The following ANKRD55 variants were observed in gnomAD, a reference collection of about 807,000 sequenced individuals.
ANKRD55 encodes the protein ankyrin repeat domain 55.
ANKRD55 carries 41 observed loss-of-function variants against 60.6 expected under a neutral mutation model. The observed-to-expected ratio is 0.68, with a 90% CI of 0.53 to 0.88. The LOEUF is 0.88. ANKRD55 is among the 40% of genes least tolerant of loss of function. The pLI, the probability that ANKRD55 is intolerant of heterozygous loss-of-function variation, is 0.00. For synonymous variants in ANKRD55, 264 were observed against 290.3 expected, an observed-to-expected ratio of 0.91 and a Z score of 0.92; for missense variants, 732 against 767.6, an observed-to-expected ratio of 0.95 and a Z score of 0.55.
intron 2 of ANKRD55, among the ~76,000 whole-genome samples, chr5:56,226,142 C>A (rs972331755): frequency 1.3e-5 from 2 of 152,064 alleles, no homozygotes; most frequent in East Asian, 3.8e-4. Context: ...AGATATAGAC[C>A]AATAGAACAG....
At chr5:56,225,598 C>G (rs1385577778) in intron 2 of ANKRD55, among the ~76,000 whole-genome samples, 2 of 152,110 alleles carry the variant, frequency 1.3e-5, no homozygotes, top group Non-Finnish European at 2.9e-5. Context: ...TCGTCTCAGC[C>G]CCAAATCTCC....
At chr5:56,227,155 G>T (rs562273061) in intron 2 of ANKRD55, among the ~76,000 whole-genome samples, 61 of 152,248 alleles carry the variant, frequency 4.0e-4, no homozygotes, top group Non-Finnish European at 5.9e-5. Flanking sequence ...ATACTATGCA[G>T]CCATAAAAAA....
At chr5:56,203,045 A>T (rs1261735058) in intron 2 of ANKRD55, among the ~76,000 whole-genome samples, 3 of 152,132 alleles carry the variant, frequency 2.0e-5, no homozygotes, top group African/African-American at 7.2e-5. Flanking sequence ...ATACACATTT[A>T]CTGATTAATT....
intron 5 of ANKRD55, among the ~76,000 whole-genome samples, chr5:56,165,048 T>A (rs1261999435): frequency 6.6e-6 from 1 of 152,276 alleles, no homozygotes; most frequent in African/African-American, 2.4e-5. Flanking sequence ...ATAAGCAGCT[T>A]CGGTTTGAGG....
rs191378994 is a variant in ANKRD55, at chr5:56,220,548, C to T, written c.58+12308G>A. On this transcript the variant is annotated intron_variant, in intron 2 of 11. Transcript: ENST00000341048. ...AACTGAAAGAGGCGGGGCACAGTGG[C>T]TCACGCCTGTACTTCCAGCACTTTG... Among the ~76,000 whole-genome samples the T allele has an allele frequency of 9.3e-4, 141 of 152,322 alleles. 3 individuals carry two copies. In the Middle Eastern group the frequency reaches 0.027, roughly 29 times the overall value.
intron 6 of ANKRD55, among the ~76,000 whole-genome samples, chr5:56,152,136 G>A (rs1417867640): frequency 1.7e-4 from 4 of 23,454 alleles, no homozygotes; most frequent in African/African-American, 5.5e-4. Context: ...TTTTTTAGAT[G>A]TTCGGTCTTA....
chr5:56,116,979 AAGTATT>A, intron 8 of ANKRD55, 197 bp from the exon 9 acceptor site: 1 of 490,354 alleles, frequency 2.0e-6, no homozygotes. Flanking sequence ...CTCTAGCTCT[AAGTATT>A]CCCTGCCATC....
chr5:56,220,659 G>A (rs1398491691), intron 2 of ANKRD55, among the ~76,000 whole-genome samples: 4 of 152,006 alleles, frequency 2.6e-5, no homozygotes, highest in African/African-American at 7.2e-5. Context: ...ACAAAAATAC[G>A]AAAATTAGAT....
At chr5:56,148,808 G>A (rs1394864416) in intron 6 of ANKRD55, among the ~76,000 whole-genome samples, 1 of 151,722 alleles carries the variant, frequency 6.6e-6, no homozygotes, top group Non-Finnish European at 1.5e-5. Flanking sequence ...TGGGTGCTTG[G>A]TTTGTTCCCC....
intron 10 of ANKRD55, among the ~76,000 whole-genome samples, chr5:56,106,514 C>G (rs568634309): frequency 2.5e-4 from 37 of 149,176 alleles, no homozygotes; most frequent in Non-Finnish European, 4.9e-4. Flanking sequence ...ACCTCTGCCT[C>G]CTGAGTTCAA....
intron 7 of ANKRD55, among the ~76,000 whole-genome samples, chr5:56,139,709 G>A (rs962554251): frequency 1.3e-5 from 2 of 152,200 alleles, no homozygotes; most frequent in African/African-American, 2.4e-5. Context: ...AACAGTGACC[G>A]TAATTGTTTT....
chr5:56,166,158 T>TTTCTTCCTTCCTTCCTTCC lies in ANKRD55; in HGVS notation c.422+4535_422+4536insGGAAGGAAGGAAGGAAGAA, dbSNP rs1554040812. Reference sequence around the variant, plus strand: ...TCTTTCTTTCTTTCTTTCTTTCTTCTTTCCTTCCTTCCTTCCTTCCTTCCT... The same window carrying TTTCTTCCTTCCTTCCTTCC: ...TCTTTCTTTCTTTCTTTCTTTCTTCTTTCTTCCTTCCTTCCTTCCTTCCTTCCTTCCTTCCTTCCTTCCT... On this transcript the variant is annotated intron_variant, in intron 5 of 11. Transcript: ENST00000341048. Among the ~76,000 whole-genome samples, 62 of 72,458 alleles carry TTTCTTCCTTCCTTCCTTCC rather than the reference T, an allele frequency of 8.6e-4. 6 individuals carry two copies. The highest frequency in any genetic ancestry group is 1.8e-3 in the South Asian group (4 of 2,224). 47.5% of individuals were successfully genotyped at this position (72,458 alleles called of 152,430 possible).
At chr5:56,143,540 C>T (rs575248383) in intron 7 of ANKRD55, among the ~76,000 whole-genome samples, 1 of 152,206 alleles carries the variant, frequency 6.6e-6, no homozygotes, top group South Asian at 2.1e-4. Context: ...CACAGTAAGC[C>T]GGTAGCAAAC....
At chr5:56,126,351 A>G (rs1180728334) in intron 8 of ANKRD55, among the ~76,000 whole-genome samples, 1 of 152,216 alleles carries the variant, frequency 6.6e-6, no homozygotes, top group Non-Finnish European at 1.5e-5. Context: ...AAAAGCTACA[A>G]GTTTGAAAGA....
At chr5:56,119,961 A>G (rs948639159) in intron 8 of ANKRD55, among the ~76,000 whole-genome samples, 1 of 151,974 alleles carries the variant, frequency 6.6e-6, no homozygotes, top group African/African-American at 2.4e-5. Context: ...GTGTGTCTAT[A>G]TGCGTATTTT....
chr5:56,181,838 G>A (rs913435015), intron 3 of ANKRD55, among the ~76,000 whole-genome samples: 2 of 152,186 alleles, frequency 1.3e-5, no homozygotes, highest in Non-Finnish European at 2.9e-5. Flanking sequence ...CAAGTGATCT[G>A]CTTGCCTCGG....
intron 2 of ANKRD55, among the ~76,000 whole-genome samples, chr5:56,188,533 A>G (rs1010473703): frequency 6.6e-6 from 1 of 152,164 alleles, no homozygotes; most frequent in Non-Finnish European, 1.5e-5. Context: ...ATTCTTCTGC[A>G]TATAGATATC....
intron 2 of ANKRD55, among the ~76,000 whole-genome samples, chr5:56,213,124 A>C (rs1759717718): frequency 6.6e-6 from 1 of 152,222 alleles, no homozygotes; most frequent in Non-Finnish European, 1.5e-5. Context: ...AGACAGGAGG[A>C]CTAAAGAGTA....
chr5:56,101,321 G>A (rs191104378), intron 11 of ANKRD55, among the ~76,000 whole-genome samples: 41 of 152,256 alleles, frequency 2.7e-4, no homozygotes, highest in African/African-American at 9.9e-4. Flanking sequence ...CTAAAGTACA[G>A]AAAGGTTGAG....
Sources: allele counts gnomAD v4.1 joint callset (sites outside exome capture counted in the v4.1 genomes callset), GRCh38; gene constraint gnomAD v4.1.1; transcripts MANE v1.5; gene names NCBI Gene and HGNC (gene_info 2026-07-23, HGNC 2026-07-21).